USP12: variants seen among roughly 807,000 people sequenced by gnomAD.
USP12 encodes ubiquitin specific peptidase 12, also known as ubiquitin carboxyl-terminal hydrolase 12.
USP12 carries 19 observed loss-of-function variants against 45.5 expected under a neutral mutation model. The observed-to-expected ratio is 0.42, with a 90% confidence interval of 0.29 to 0.61. The LOEUF (loss-of-function observed/expected upper bound fraction) is 0.61. USP12 is among the 20% of genes least tolerant of loss of function. The pLI is 0.22. For synonymous variants in USP12, 149 were observed against 148.8 expected (o/e 1.00, Z -0.01); for missense variants, 242 against 447.7 (o/e 0.54, Z 4.15).
rs374948699 is a variant in USP12 at position 27,084,169 on chromosome 13, T to TACACACAC, written c.734+5706_734+5713dup. On this transcript the variant is annotated intron_variant, in intron 6 of 8. Transcript: ENST00000282344. ...TGTCACTCATAAATCCATGTTTGCA[T>TACACACAC]ACACACACACACACACACACACACA... is the stretch of plus-strand genomic sequence containing the variant. Among the ~76,000 whole-genome samples the TACACACAC allele has an allele frequency of 3.5e-3, 495 of 142,498 alleles. 3 individuals are homozygous for TACACACAC. Among genetic ancestry groups the TACACACAC allele is most frequent in the Non-Finnish European group, 4.6e-3 (306 of 66,012 alleles). The allele number at this position is 142,498 out of a possible 152,430, so 93.5% of individuals were successfully genotyped here.
intron 6 of USP12, among the ~76,000 whole-genome samples, chr13:27,086,729 G>A (rs952999969): frequency 1.3e-5 from 2 of 152,228 alleles, no homozygotes; most frequent in South Asian, 2.1e-4. Context: ...TCTGAAAGTT[G>A]TATTTCTCTT....
chr13:27,132,723 A>C (rs1876562911), intron 1 of USP12, among the ~76,000 whole-genome samples: 1 of 152,248 alleles, frequency 6.6e-6, no homozygotes, highest in Non-Finnish European at 1.5e-5. Context: ...AGTACTCAGA[A>C]TAGGAATGTC....
At chr13:27,151,049 C>T (rs1050729959) in intron 1 of USP12, among the ~76,000 whole-genome samples, 3 of 152,086 alleles carry the variant, frequency 2.0e-5, no homozygotes, top group Non-Finnish European at 2.9e-5. Context: ...AAAAATCAGG[C>T]CAGACGCTGT....
chr13:27,159,871 G>A (rs559051371), intron 1 of USP12, among the ~76,000 whole-genome samples: 2 of 152,264 alleles, frequency 1.3e-5, no homozygotes, highest in Non-Finnish European at 1.5e-5. Context: ...CACTGAAATG[G>A]TATAATAACT....
chr13:27,087,122 T>TGTGTGC (rs1555233325), intron 6 of USP12, among the ~76,000 whole-genome samples: 5 of 151,126 alleles, frequency 3.3e-5, no homozygotes, highest in Admixed American at 3.3e-4. Context: ...TGTGTGTGTG[T>TGTGTGC]GCGTGTGTGA....
rs1296612136 is a variant in USP12 at position 27,069,319 on chromosome 13, C to T, written c.1077G>A (p.Glu359=). ...GLTSDISKNS[E]SGYILFYQSR... ...ACTGATAGAAAAGGATGTAACCAGA[C>T]TCAGAGTTCTTTGAGATATCTGATG... The change falls in exon 9 of 9, where the codon GAG becomes GAA. Residue 359 remains glutamate, a synonymous_variant. Transcript: ENST00000282344. 2 of 1,612,320 alleles carry T rather than the reference C, an allele frequency of 1.2e-6. No individual in the cohort carries two copies. Among genetic ancestry groups the T allele is most frequent in the South Asian group, 1.1e-5 (1 of 91,008 alleles).
intron 1 of USP12, among the ~76,000 whole-genome samples, chr13:27,121,930 A>C (rs762036561): frequency 7.9e-5 from 12 of 152,238 alleles, no homozygotes; most frequent in Non-Finnish European, 1.5e-4. Context: ...TGTGTCAAGA[A>C]ATGGCAATGA....
chr13:27,107,119 G>A (rs796289528), intron 2 of USP12, among the ~76,000 whole-genome samples: 2 of 152,250 alleles, frequency 1.3e-5, no homozygotes, highest in African/African-American at 4.8e-5. Context: ...GAGGTTAGAA[G>A]TTCGAGACCA....
At chr13:27,118,282 C>T (rs752046412) in intron 1 of USP12, among the ~76,000 whole-genome samples, 10 of 152,032 alleles carry the variant, frequency 6.6e-5, no homozygotes, top group Non-Finnish European at 1.5e-4. Flanking sequence ...CAGTCAAGTT[C>T]CACCAAAACA....
intron 2 of USP12, among the ~76,000 whole-genome samples, chr13:27,107,185 C>T (rs1875182607): frequency 6.6e-6 from 1 of 152,070 alleles, no homozygotes; most frequent in Non-Finnish European, 1.5e-5. Flanking sequence ...ATTAGCTAGG[C>T]ATGATGACAC....
At chr13:27,085,203 C>G (rs193288549) in intron 6 of USP12, among the ~76,000 whole-genome samples, 3 of 151,046 alleles carry the variant, frequency 2.0e-5, no homozygotes, top group Non-Finnish European at 4.4e-5. Context: ...GATGGAGTCT[C>G]GCTCTGTTGC....
chr13:27,134,826 A>G (rs1034652627), intron 1 of USP12, among the ~76,000 whole-genome samples: 1 of 152,166 alleles, frequency 6.6e-6, no homozygotes, highest in African/African-American at 2.4e-5. Flanking sequence ...AAAATTGTCA[A>G]TATTATAGAA....
chr13:27,092,167 T>C (rs1874347061), intron 4 of USP12, among the ~76,000 whole-genome samples: 1 of 152,130 alleles, frequency 6.6e-6, no homozygotes, highest in Non-Finnish European at 1.5e-5. Flanking sequence ...AAAACACGCA[T>C]GGTATTGATA....
Position 27,126,928 on chromosome 13 carries a change from A to G in USP12, c.49-10332T>C, listed in dbSNP as rs1479067473. On this transcript the variant is annotated intron_variant, in intron 1 of 8. Transcript: ENST00000282344. The stretch of plus-strand genomic sequence containing the variant: ...GGCACAAAGCAAACTTCCTTTGCCC[A>G]TCTTCCTCCATCCCAACTACAATGC... Among the ~76,000 whole-genome samples the G allele has an allele frequency of 3.9e-5, 6 of 152,324 alleles. No homozygotes were observed. In the East Asian group the frequency reaches 9.6e-4, roughly 24 times the overall value.
At chr13:27,115,725 C>T (rs1056675703) in intron 2 of USP12, among the ~76,000 whole-genome samples, 3 of 152,154 alleles carry the variant, frequency 2.0e-5, no homozygotes, top group African/African-American at 4.8e-5. Flanking sequence ...GAATTACCTC[C>T]ATAAGAACTG....
chr13:27,113,907 A>C (rs910638197), intron 2 of USP12, among the ~76,000 whole-genome samples: 2 of 152,230 alleles, frequency 1.3e-5, no homozygotes, highest in South Asian at 4.1e-4. Flanking sequence ...TAACCCAAAA[A>C]TGGAAAGTTT....
chr13:27,115,768 A>G (rs1025574347), intron 2 of USP12, among the ~76,000 whole-genome samples: 1 of 152,204 alleles, frequency 6.6e-6, no homozygotes, highest in African/African-American at 2.4e-5. Flanking sequence ...TCACACTTTT[A>G]TATCTCTAGC....
chr13:27,072,167 T>A (rs1219005168), intron 7 of USP12, among the ~76,000 whole-genome samples: 3 of 152,164 alleles, frequency 2.0e-5, no homozygotes, highest in African/African-American at 7.2e-5. Flanking sequence ...CATTTAATGC[T>A]TTAAGTCTAT....
At chr13:27,076,614 T>G (rs1039246635) in intron 6 of USP12, among the ~76,000 whole-genome samples, 13 of 152,272 alleles carry the variant, frequency 8.5e-5, no homozygotes, top group Middle Eastern at 3.4e-3. Flanking sequence ...ATTTCCCCAC[T>G]ATCTAGCAAC....
Sources: gnomAD v4.1 joint callset for allele counts (sites outside exome capture counted in the v4.1 genomes callset) on GRCh38, gnomAD v4.1.1 for gene constraint, MANE v1.5 for transcripts, NCBI Gene and HGNC (gene_info 2026-07-23, HGNC 2026-07-21) for gene names.